Variants in STAB1 observed in about 807,000 individuals in gnomAD.
The protein encoded by STAB1 is stabilin-1.
In STAB1, 250 loss-of-function variants were observed where a neutral mutation model predicts 332.4. The observed-to-expected ratio is 0.75, with a 90% CI of 0.68 to 0.84. The LOEUF is 0.84. Among genes scored for constraint, STAB1 ranks in the 40% least tolerant of loss-of-function variants. STAB1 has a pLI of 0.00. For missense variants in STAB1, 3,249 were observed against 3,489.7 expected (o/e 0.93, Z 1.74); for synonymous variants, 1,475 against 1,390.4 (o/e 1.06, Z -1.35).
Position 52,503,760 on chromosome 3 carries a change from G to T in STAB1, c.892-12G>T, listed in dbSNP as rs187862454. The T allele has an allele frequency of 1.2e-6, 2 of 1,612,806 alleles. No homozygotes were observed. Among genetic ancestry groups the T allele is most frequent in the African/African-American group, 2.7e-5 (2 of 74,928 alleles). On this transcript the variant is annotated splice_polypyrimidine_tract_variant and intron_variant, in intron 8 of 68. Coordinates refer to ENST00000321725, the MANE Select transcript of STAB1 (RefSeq NM_015136.3). Reference sequence around the variant, plus strand: ...GGACGTGGTGTTCCCCTCCTGCCCTGTCGGGGGCCAGGCCTTCTGCACCTG... The same window carrying T: ...GGACGTGGTGTTCCCCTCCTGCCCTTTCGGGGGCCAGGCCTTCTGCACCTG...
In STAB1 at chr3:52,506,865, C is replaced by G. The variant is rs1384593811; in HGVS notation, c.1989+15C>G. 6.2e-7 allele frequency: 1 copy of G among 1,611,646 alleles called. No homozygotes were observed. Among genetic ancestry groups the G allele is most frequent in the East Asian group, 2.2e-5 (1 of 44,884 alleles). On this transcript the variant is annotated intron_variant, in intron 18 of 68. Transcript: ENST00000321725. ...AGATTGTGGCGGTGAGCCTCGCCTG[C>G]ACGGCCAGGGCCCTACTCACTAACC... is the stretch of plus-strand genomic sequence containing the variant.
intron 22 of STAB1, among the ~76,000 whole-genome samples, chr3:52,509,657 A>G (rs1296871669): frequency 6.6e-6 from 1 of 152,262 alleles, no homozygotes; most frequent in Non-Finnish European, 1.5e-5. Flanking sequence ...TGTTGGGATC[A>G]GGGCAACTAG....
Position 52,516,097 on chromosome 3 carries a change from G to A in STAB1, c.4003G>A (p.Gly1335Ser). Reference protein sequence around the residue: ...FGTLCEPCPGGLGGVCSGHGQ... With the variant: ...FGTLCEPCPGSLGGVCSGHGQ... ...CACGCTGTGTGAGCCATGCCCAGGG[G>A]GTCTAGGGGGGGTGTGCTCAGGCCA... Residue 1335 changes from glycine to serine, a missense_variant, in exon 38 of 69, where the codon GGT becomes AGT. Physicochemically the swap from Gly to Ser is moderately conservative, Grantham distance 56. Transcript: ENST00000321725. The A allele has an allele frequency of 1.9e-6, 3 of 1,611,940 alleles. No homozygotes were observed. The East Asian group carries it at 6.7e-5, about 36-fold the overall frequency.
intron 17 of STAB1, 86 bp from the exon 18 acceptor site, chr3:52,506,606 A>T: frequency 1.4e-6 from 2 of 1,424,276 alleles, no homozygotes; most frequent in Non-Finnish European, 1.9e-6. Flanking sequence ...TGTCTGCTCT[A>T]ACTGGGCTGC....
Position 52,510,198 on chromosome 3 carries a change from C to A in STAB1, c.2591C>A (p.Pro864His). The change falls in exon 24 of 69, where the codon CCC becomes CAC. Residue 864 changes from proline (P) to histidine (H), a missense_variant. Coordinates refer to ENST00000321725, the MANE Select transcript of STAB1 (RefSeq NM_015136.3). Reference protein sequence around the residue: ...GDGFSCTPSNPCSHPDRGGCS... With the variant: ...GDGFSCTPSNHCSHPDRGGCS... ...GGCTTCTCCTGCACACCTAGCAACC[C>A]CTGCTCCCACCCGGACCGTGGAGGC... is the stretch of plus-strand genomic sequence containing the variant. 6.2e-7 allele frequency: 1 copy of A among 1,614,038 alleles called. No individual in the cohort carries two copies. The highest frequency in any genetic ancestry group is 8.5e-7 in the Non-Finnish European group (1 of 1,180,032).
chr3:52,522,905 C>G lies in STAB1; in HGVS notation c.6875C>G (p.Ser2292Ter). The change falls in exon 62 of 69, where the codon TCA (serine) becomes TGA (stop). Residue 2292 changes from serine (S) to a stop codon, truncating the protein, a stop_gained. Transcript: ENST00000321725. LOFTEE classifies it high-confidence loss of function. The part of the protein sequence containing the change: ...IVSLGARKNL[S>*]ERWDAYCFRV... ...AGCCTGGGTGCCCGCAAGAACCTCT[C>G]AGAACGCTGGGATGCCTACTGCTTC... 1.9e-6 allele frequency: 3 copies of G among 1,613,404 alleles called. No homozygotes were observed. The highest frequency in any genetic ancestry group is 2.5e-6 in the Non-Finnish European group (3 of 1,180,014).
Position 52,513,141 on chromosome 3 carries a change from TC to T in STAB1, c.3172del (p.Gln1058ArgfsTer20). ...CTGTGCCCTGTCAGGGCCCATTTTC[TC>T]CAGGGTGCCCTCTTCGAGGAGGAGC... is the stretch of plus-strand genomic sequence containing the variant. ...TLPNLVRAHF[L>X]QGALFEEELA... On this transcript the variant is annotated frameshift_variant, in exon 30 of 69. Transcript: ENST00000321725. LOFTEE classifies it high-confidence loss of function. 6.4e-7 allele frequency: 1 copy of T among 1,569,126 alleles called. No individual in the cohort carries two copies. Among genetic ancestry groups the T allele is most frequent in the Non-Finnish European group, 8.6e-7 (1 of 1,156,836 alleles).
chr3:52,509,269 C>T lies in STAB1; in HGVS notation c.2295C>T (p.Ile765=), dbSNP rs766046033. ...ACLCFPDYKG[I]ACHICSNPNK... ...TCTGCTTCCCAGACTACAAGGGCAT[C>T]GCCTGCCACATCTGCTCGAACCCAA... Residue 765 remains isoleucine, a synonymous_variant, in exon 22 of 69, where the codon ATC becomes ATT. Coordinates refer to ENST00000321725, the MANE Select transcript of STAB1 (RefSeq NM_015136.3). 5.0e-6 allele frequency: 8 copies of T among 1,613,314 alleles called. No individual in the cohort carries two copies. Among genetic ancestry groups the T allele is most frequent in the South Asian group, 2.2e-5 (2 of 91,092 alleles).
rs772298316 is a variant in STAB1 at position 52,518,804 on chromosome 3, G to A, written c.4969G>A (p.Asp1657Asn). ...VVGCRRLRSE[D>N]LLEQGYATAL... ...TGGCTGTCGGCGGCTGCGGAGCGAGGACCTGCTGGAGCAGGGGTACGCCAC... is the reference window on the plus strand; with the variant it reads ...TGGCTGTCGGCGGCTGCGGAGCGAGAACCTGCTGGAGCAGGGGTACGCCAC... The change falls in exon 48 of 69, where the codon GAC becomes AAC. Residue 1657 changes from aspartate to asparagine, a missense_variant. Transcript: ENST00000321725. 3 of 1,611,420 alleles carry A rather than the reference G, an allele frequency of 1.9e-6. No homozygotes were observed. The highest frequency in any genetic ancestry group is 2.2e-5 in the South Asian group (2 of 91,062).
In STAB1 at chr3:52,513,978, G is replaced by A. The variant is rs776293688; in HGVS notation, c.3444G>A (p.Leu1148=). The change falls in exon 32 of 69, where the codon CTG becomes CTA. Residue 1148 remains leucine, a synonymous_variant. Transcript: ENST00000321725. ...VPAFSLFREL[L]QHHGLVPQIE... ...CCTTCAGCCTCTTCCGGGAATTGCT[G>A]CAGGTACGGAAGGCTGGCAAGAGGG... 2.5e-6 allele frequency: 4 copies of A among 1,599,606 alleles called. No individual in the cohort carries two copies. In the South Asian group the frequency reaches 3.3e-5, roughly 13 times the overall value.
chr3:52,506,578 G>A (rs1708885406), intron 17 of STAB1, 114 bp from the exon 18 acceptor site: 17 of 1,222,168 alleles, frequency 1.4e-5, no homozygotes, highest in Non-Finnish European at 1.6e-5. Context: ...GGGGCCTTCA[G>A]CAGCTCACTG....
Position 52,514,493 on chromosome 3 carries a change from C to T in STAB1, c.3675C>T (p.Gly1225=). 6.6e-7 allele frequency: 1 copy of T among 1,525,066 alleles called. No individual in the cohort carries two copies. Among genetic ancestry groups the T allele is most frequent in the African/African-American group, 1.4e-5 (1 of 72,128 alleles). The allele number at this position is 1,525,066 out of a possible 1,614,324, so 94.5% of individuals were successfully genotyped here. A position where few individuals can be genotyped will look rare whatever the true frequency, so the allele number is the denominator to read the frequency against. The change falls in exon 34 of 69, where the codon GGC becomes GGT. Residue 1225 remains glycine, a synonymous_variant. Transcript: ENST00000321725. The part of the protein sequence containing the change: ...AHWIVFYNHS[G]QPEVNHVPLE... ...GGATCGTCTTCTACAACCACAGTGG[C>T]CAGGTTTGGGGGTCAGGGAGCAAGG...
In STAB1 at chr3:52,522,483, C is replaced by T. The variant is rs78715128; in HGVS notation, c.6610+9C>T. 8,325 of 1,613,146 alleles carry T rather than the reference C, an allele frequency of 5.2e-3. 205 individuals are homozygous for T. Among genetic ancestry groups the T allele is most frequent in the South Asian group, 0.05 (4,585 of 91,086 alleles). On this transcript the variant is annotated intron_variant, in intron 60 of 68. Transcript: ENST00000321725. ...TGACCTGCACTTCCAGGGTGTGTCC[C>T]CCTGCCCACTCCCAGTACCCATTTC...
At position 52,524,413 on chromosome 3, in the gene STAB1, G is replaced by C. The variant is rs1296182531; in HGVS notation, c.*57G>C. On this transcript the variant is annotated 3_prime_UTR_variant, in exon 69 of 69. Transcript: ENST00000321725. ...AGGGAGGAGACCACTTTTATTGCTT[G>C]TCTGGGTGGATGGGGCAGGAGGGGC... is the stretch of plus-strand genomic sequence containing the variant. The C allele has an allele frequency of 6.2e-7, 1 of 1,612,122 alleles. No individual in the cohort carries two copies. The highest frequency in any genetic ancestry group is 1.1e-5 in the South Asian group (1 of 91,058).
At position 52,503,097 on chromosome 3, in the gene STAB1, A is replaced by G. The variant is rs1426477289; in HGVS notation, c.682A>G (p.Ser228Gly). The part of the protein sequence containing the change: ...RCLPGYTQQG[S>G]ECRAPNPCWP... ...CCTGCCCGGCTACACACAGCAGGGC[A>G]GTGAATGCCGAGGTGAGCCTGGACT... Residue 228 changes from serine (S) to glycine (G), a missense_variant, in exon 7 of 69, where the codon AGT becomes GGT. Transcript: ENST00000321725. The G allele has an allele frequency of 5.7e-6, 9 of 1,578,056 alleles. No homozygotes were observed. The highest frequency in any genetic ancestry group is 7.7e-6 in the Non-Finnish European group (9 of 1,161,886).
At position 52,506,267 on chromosome 3, in the gene STAB1, C is replaced by A. The variant is rs200525221; in HGVS notation, c.1830+17C>A. 10 of 1,604,950 alleles carry A rather than the reference C, an allele frequency of 6.2e-6. No homozygotes were observed. The East Asian group carries it at 2.0e-4, about 32-fold the overall frequency. Reference sequence around the variant, plus strand: ...TCTGAGGAGGTGAGGTGCACGGACACCTGGGCGGATGGTGGGGCTGGCGGT... The same window carrying A: ...TCTGAGGAGGTGAGGTGCACGGACAACTGGGCGGATGGTGGGGCTGGCGGT... On this transcript the variant is annotated intron_variant, in intron 17 of 68. Transcript: ENST00000321725.
chr3:52,524,261 C>T (rs2079193309), intron 68 of STAB1, 39 bp from the exon 69 acceptor site: 1 of 1,613,778 alleles, frequency 6.2e-7, no homozygotes, highest in African/African-American at 1.3e-5. Flanking sequence ...TGGGCCCAGG[C>T]CCTGGTCACA....
At position 52,521,859 on chromosome 3, in the gene STAB1, G is replaced by T; in HGVS notation, c.6179G>T (p.Cys2060Phe). ...TGGGGGACAGAGCTGCAGCCTGTGTGTACCCCACCCTGTGCACCCGAGGCT... is the reference window on the plus strand; with the variant it reads ...TGGGGGACAGAGCTGCAGCCTGTGTTTACCCCACCCTGTGCACCCGAGGCT... Reference protein sequence around the residue: ...CEVQLELQPVCTPPCAPEAVC... With the variant: ...CEVQLELQPVFTPPCAPEAVC... Residue 2060 changes from cysteine to phenylalanine, a missense_variant, in exon 58 of 69, where the codon TGT (cysteine) becomes TTT (phenylalanine). Cys to Phe is a radical substitution (Grantham distance 205, BLOSUM62 -2). Transcript: ENST00000321725. 6.2e-7 allele frequency: 1 copy of T among 1,600,830 alleles called. No homozygotes were observed. Among genetic ancestry groups the T allele is most frequent in the Non-Finnish European group, 8.5e-7 (1 of 1,172,638 alleles).
At chr3:52,502,825 C>A in intron 6 of STAB1, 98 bp downstream of exon 6, 1 of 1,379,038 alleles carries the variant, frequency 7.3e-7, no homozygotes, top group Non-Finnish European at 1.0e-6. Context: ...CTCAGCAGGA[C>A]CTCCGCCTGG....
Sources: gnomAD v4.1 joint callset for allele counts (sites outside exome capture counted in the v4.1 genomes callset) on GRCh38, gnomAD v4.1.1 for gene constraint, MANE v1.5 for transcripts, NCBI Gene and HGNC (gene_info 2026-07-23, HGNC 2026-07-21) for gene names.